Variants in AGBL4 observed in about 807,000 individuals in gnomAD.
The protein encoded by AGBL4 is cytosolic carboxypeptidase 6.
Under a neutral mutation model 66.4 loss-of-function variants are expected in AGBL4, and 58 were observed. The ratio of observed to expected loss-of-function variants is 0.87; its 90% CI spans 0.71 to 1.09. The LOEUF is 1.09. Ranked by LOEUF, AGBL4 falls within the 50% of genes least tolerant of loss-of-function variation. The probability of loss-of-function intolerance (pLI) is 0.00; values close to 1 mark genes in which losing one functional copy is unlikely to be tolerated. For missense variants in AGBL4, 579 were observed against 631.0 expected (o/e 0.92, Z 0.88); for synonymous variants, 234 against 222.9 (o/e 1.05, Z -0.44).
chr1:49,194,875 T>C (rs1570019200), intron 4 of AGBL4, among the ~76,000 whole-genome samples: 1 of 152,108 alleles, frequency 6.6e-6, no homozygotes, highest in East Asian at 1.9e-4. Context: ...TATTTCTCTG[T>C]CTCCCAGGCT....
intron 2 of AGBL4, among the ~76,000 whole-genome samples, chr1:49,829,660 G>C (rs1036970658): frequency 6.6e-6 from 1 of 151,968 alleles, no homozygotes. Flanking sequence ...AAACATGTGC[G>C]GAACGGTGCA....
chr1:49,554,967 G>C (rs1017590477), intron 3 of AGBL4, among the ~76,000 whole-genome samples: 1 of 152,192 alleles, frequency 6.6e-6, no homozygotes, highest in Non-Finnish European at 1.5e-5. Context: ...AGCTCTTAAA[G>C]GCAGCACGGA....
chr1:50,004,155 AC>A (rs1178911106), intron 1 of AGBL4, among the ~76,000 whole-genome samples: 5 of 152,190 alleles, frequency 3.3e-5, no homozygotes, highest in Admixed American at 2.0e-4. Context: ...TGATTGTGGG[AC>A]TTTTCATTGG....
chr1:49,290,458 T>TCTAA (rs1475332548), intron 3 of AGBL4, among the ~76,000 whole-genome samples: 11 of 152,180 alleles, frequency 7.2e-5, no homozygotes, highest in African/African-American at 2.7e-4. Context: ...AAGTCACATG[T>TCTAA]CTAAGCCCAG....
chr1:49,470,622 C>T (rs546460864), intron 3 of AGBL4, among the ~76,000 whole-genome samples: 1 of 152,056 alleles, frequency 6.6e-6, no homozygotes, highest in South Asian at 2.1e-4. Flanking sequence ...TAAGACATGC[C>T]CACCACTATG....
intron 6 of AGBL4, among the ~76,000 whole-genome samples, chr1:48,821,822 G>C (rs541730147): frequency 6.6e-6 from 1 of 152,210 alleles, no homozygotes; most frequent in African/African-American, 2.4e-5. Context: ...AATATAATTA[G>C]CAAATGATTT....
chr1:48,831,883 T>C (rs1646560665), intron 6 of AGBL4, among the ~76,000 whole-genome samples: 1 of 152,190 alleles, frequency 6.6e-6, no homozygotes, highest in Non-Finnish European at 1.5e-5. Flanking sequence ...TAATCAGACC[T>C]GGCAATACAG....
intron 9 of AGBL4, among the ~76,000 whole-genome samples, chr1:48,600,172 AGGGCC>A (rs1340209382): frequency 6.6e-6 from 1 of 152,196 alleles, no homozygotes; most frequent in Non-Finnish European, 1.5e-5. Context: ...GGTATATCAT[AGGGCC>A]TGACACACAG....
At chr1:48,663,911 G>T (rs1192755918) in intron 6 of AGBL4, among the ~76,000 whole-genome samples, 1 of 152,090 alleles carries the variant, frequency 6.6e-6, no homozygotes, top group African/African-American at 2.4e-5. Context: ...GTGGTGGTAG[G>T]AGCTGAGATT....
At chr1:48,998,773 A>G (rs1661192082) in intron 5 of AGBL4, among the ~76,000 whole-genome samples, 1 of 152,216 alleles carries the variant, frequency 6.6e-6, no homozygotes, top group African/African-American at 2.4e-5. Context: ...TTTGTGAAAG[A>G]GAAATGAACG....
chr1:48,806,913 GGTGT>G (rs1451612548), intron 6 of AGBL4, among the ~76,000 whole-genome samples: 1 of 144,374 alleles, frequency 6.9e-6, no homozygotes, highest in Non-Finnish European at 1.5e-5. Flanking sequence ...TGCCTCAGAA[GGTGT>G]GTATGTGTGC....
intron 9 of AGBL4, among the ~76,000 whole-genome samples, chr1:48,633,662 C>G (rs1276925718): frequency 6.6e-6 from 1 of 152,206 alleles, no homozygotes; most frequent in South Asian, 2.1e-4. Context: ...ATATCCTCCA[C>G]CTGAAAAAAT....
intron 5 of AGBL4, among the ~76,000 whole-genome samples, chr1:48,980,756 T>C (rs1571151772): frequency 1.2e-5 from 1 of 80,728 alleles, no homozygotes; most frequent in Non-Finnish European, 2.4e-5. Context: ...TATATATATA[T>C]ATATATATAT....
At chr1:49,094,697 A>T (rs1645062229) in intron 4 of AGBL4, among the ~76,000 whole-genome samples, 1 of 152,092 alleles carries the variant, frequency 6.6e-6, no homozygotes, top group Non-Finnish European at 1.5e-5. Flanking sequence ...CAAAATAATA[A>T]GAGCTATTTA....
intron 3 of AGBL4, among the ~76,000 whole-genome samples, chr1:49,250,126 T>C (rs1651931779): frequency 6.6e-6 from 1 of 152,108 alleles, no homozygotes; most frequent in Non-Finnish European, 1.5e-5. Flanking sequence ...TACAGATGGA[T>C]AGAAGGAATA....
intron 6 of AGBL4, among the ~76,000 whole-genome samples, chr1:48,846,527 A>G (rs1475287735): frequency 6.6e-6 from 1 of 152,176 alleles, no homozygotes; most frequent in Non-Finnish European, 1.5e-5. Context: ...TAGGCCTTAG[A>G]TATCCCTCTT....
chr1:49,450,002 G>A (rs572649749), intron 3 of AGBL4, among the ~76,000 whole-genome samples: 6 of 152,110 alleles, frequency 3.9e-5, no homozygotes, highest in East Asian at 3.9e-4. Context: ...CCCAGCAAAC[G>A]GGCCACCTTA....
chr1:49,703,799 G>A (rs915908195), intron 2 of AGBL4, among the ~76,000 whole-genome samples: 2 of 151,836 alleles, frequency 1.3e-5, no homozygotes, highest in Non-Finnish European at 2.9e-5. Flanking sequence ...ACAGATGAGA[G>A]TGTTATTTAC....
chr1:49,707,651 T>G (rs1008081697), intron 2 of AGBL4, among the ~76,000 whole-genome samples: 1 of 152,146 alleles, frequency 6.6e-6, no homozygotes, highest in South Asian at 2.1e-4. Flanking sequence ...ATAGTGTCGA[T>G]GGTCTCTACA....
Sources: allele counts gnomAD v4.1 joint callset (sites outside exome capture counted in the v4.1 genomes callset), GRCh38; gene constraint gnomAD v4.1.1; transcripts MANE v1.5; gene names NCBI Gene and HGNC (gene_info 2026-07-23, HGNC 2026-07-21).